The following RALGAPA1 variants were observed in gnomAD, a reference collection of about 807,000 sequenced individuals.
RALGAPA1 encodes ral GTPase-activating protein subunit alpha-1.
Under a neutral mutation model 269.6 loss-of-function variants are expected in RALGAPA1, and 52 were observed. The ratio of observed to expected loss-of-function variants is 0.19; its 90% CI spans 0.15 to 0.24. The LOEUF is 0.24. RALGAPA1 is among the 10% of genes least tolerant of loss of function. The pLI is 1.00. For synonymous variants in RALGAPA1, 817 were observed against 1,008.3 expected, an observed-to-expected ratio of 0.81 and a Z score of 3.60; for missense variants, 1,917 against 3,013.9, an observed-to-expected ratio of 0.64 and a Z score of 8.52.
rs946088802 is a variant in RALGAPA1 at position 35,662,937 on chromosome 14, T to G, written c.5328+1705A>C. 1.9e-3 allele frequency among the ~76,000 whole-genome samples: 142 copies of G among 76,548 alleles called. 1 individual carries two copies. The East Asian group carries it at 0.032, about 17-fold the overall frequency. The allele number at this position is 76,548 out of a possible 152,430, so 50.2% of individuals were successfully genotyped here. On this transcript the variant is annotated intron_variant, in intron 27 of 41. Transcript: ENST00000680220. ...TTGTTTAACAAATGATTTCCTTTTT[T>G]GGGGGGGGGGTGGGACAAGGTCTTG...
At chr14:35,748,427 T>C in intron 10 of RALGAPA1, 158 bp downstream of exon 10, 1 of 705,022 alleles carries the variant, frequency 1.4e-6, no homozygotes, top group Non-Finnish European at 2.0e-6. Context: ...TTGTCCAAAG[T>C]GGCCTCAAAC....
chr14:35,723,364 C>T, intron 14 of RALGAPA1, 100 bp from the exon 15 acceptor site: 1 of 636,922 alleles, frequency 1.6e-6, no homozygotes, highest in South Asian at 2.6e-5. Flanking sequence ...AAACAAGCAA[C>T]ATTTAAAATC....
chr14:35,804,758 C>T (rs1056564136), intron 1 of RALGAPA1, among the ~76,000 whole-genome samples: 10 of 149,050 alleles, frequency 6.7e-5, no homozygotes, highest in African/African-American at 2.2e-4. Flanking sequence ...ACATGAGACC[C>T]CATCTCTACA....
intron 32 of RALGAPA1, 67 bp from the exon 33 acceptor site, chr14:35,634,824 G>T: frequency 3.6e-6 from 5 of 1,379,568 alleles, no homozygotes; most frequent in African/African-American, 1.5e-5. Flanking sequence ...AGTTAAAGGA[G>T]GATAAAAATC....
chr14:35,660,748 G>A (rs892632730), intron 27 of RALGAPA1, among the ~76,000 whole-genome samples: 2 of 152,002 alleles, frequency 1.3e-5, no homozygotes, highest in Non-Finnish European at 2.9e-5. Flanking sequence ...ACCCACACAC[G>A]TACATGAATA....
rs2070173213 is a variant in RALGAPA1, at chr14:35,728,434, G to A, written c.1664C>T (p.Thr555Ile). The A allele has an allele frequency of 1.2e-6, 2 of 1,608,888 alleles. No individual in the cohort carries two copies. Among genetic ancestry groups the A allele is most frequent in the Middle Eastern group, 1.7e-4 (1 of 5,996 alleles). The change falls in exon 13 of 42, where the codon ACA becomes ATA. Residue 555 changes from threonine to isoleucine, a missense_variant. This residue lies in a region of RALGAPA1 where 462 missense variants were observed against 725.6 expected (regional missense o/e 0.64). Coordinates refer to ENST00000680220, the MANE Select transcript of RALGAPA1 (RefSeq NM_001346249.2). ...NEIKNLLDEH[T>I]DMCKRILNIY... ...GTTAAGAATGCGTTTACACATATCT[G>A]TGTGTTCATCCAGAAGATTTTTTAT... is the stretch of plus-strand genomic sequence containing the variant.
At chr14:35,664,519 T>C in intron 27 of RALGAPA1, 123 bp downstream of exon 27, 1 of 766,476 alleles carries the variant, frequency 1.3e-6, no homozygotes, top group Non-Finnish European at 2.0e-6. Flanking sequence ...CTGGAGGATA[T>C]GGCTAATGTT....
At chr14:35,546,435 G>T (rs1461467371) in intron 41 of RALGAPA1, among the ~76,000 whole-genome samples, 1 of 151,294 alleles carries the variant, frequency 6.6e-6, no homozygotes, top group Non-Finnish European at 1.5e-5. Flanking sequence ...TTGTGCACAT[G>T]TACCCTAAAA....
At chr14:35,670,930 A>C (rs2064361398) in intron 26 of RALGAPA1, among the ~76,000 whole-genome samples, 1 of 149,872 alleles carries the variant, frequency 6.7e-6, no homozygotes, top group African/African-American at 2.4e-5. Context: ...TCTCAAAAAA[A>C]AAAAAAGAGA....
At chr14:35,777,132 G>C (rs1461046639) in intron 1 of RALGAPA1, among the ~76,000 whole-genome samples, 1 of 151,870 alleles carries the variant, frequency 6.6e-6, no homozygotes, top group Non-Finnish European at 1.5e-5. Flanking sequence ...AAATGACACG[G>C]GGAAATTAAT....
intron 4 of RALGAPA1, among the ~76,000 whole-genome samples, chr14:35,762,992 G>A (rs113357699): frequency 6.6e-6 from 1 of 151,944 alleles, no homozygotes; most frequent in African/African-American, 2.4e-5. Context: ...ACCTAGGCCC[G>A]AAATTGCATT....
chr14:35,703,001 G>A (rs1379245923), intron 16 of RALGAPA1, among the ~76,000 whole-genome samples: 1 of 152,118 alleles, frequency 6.6e-6, no homozygotes, highest in Non-Finnish European at 1.5e-5. Flanking sequence ...TGATTCCACA[G>A]ATAAATTATA....
At chr14:35,736,138 G>A (rs1190034552) in intron 12 of RALGAPA1, among the ~76,000 whole-genome samples, 1 of 152,178 alleles carries the variant, frequency 6.6e-6, no homozygotes, top group Non-Finnish European at 1.5e-5. Context: ...GACACAAGAG[G>A]TAGTGTGTGT....
At chr14:35,572,494 A>C in intron 38 of RALGAPA1, 66 bp downstream of exon 38, 2 of 1,268,576 alleles carry the variant, frequency 1.6e-6, no homozygotes, top group Non-Finnish European at 2.2e-6. Context: ...TGTAACATGG[A>C]AAGAAACCCA....
chr14:35,621,644 A>G (rs2060636793), intron 35 of RALGAPA1, among the ~76,000 whole-genome samples: 1 of 152,070 alleles, frequency 6.6e-6, no homozygotes, highest in South Asian at 2.1e-4. Context: ...CAGAATCTAC[A>G]ATGAACTCAA....
intron 39 of RALGAPA1, among the ~76,000 whole-genome samples, chr14:35,551,586 C>T (rs955692128): frequency 1.3e-5 from 2 of 151,954 alleles, no homozygotes; most frequent in East Asian, 3.9e-4. Context: ...AAATATTTTA[C>T]ATTATATTTA....
intron 4 of RALGAPA1, among the ~76,000 whole-genome samples, chr14:35,767,516 T>C (rs1307480150): frequency 2.6e-5 from 4 of 151,992 alleles, no homozygotes; most frequent in African/African-American, 9.7e-5. Flanking sequence ...TGAAACCCTG[T>C]CTCTACTAAA....
In RALGAPA1 at chr14:35,592,659, G is replaced by A. The variant is rs144100400; in HGVS notation, c.7209+2975C>T. On this transcript the variant is annotated intron_variant, in intron 37 of 41. Transcript: ENST00000680220. ...TATCAAAAAGATTATACACCCAGAC[G>A]AAGTGGGACTTATCCCTGGCATGCG... Among the ~76,000 whole-genome samples the A allele has an allele frequency of 3.8e-3, 586 of 152,256 alleles. 1 individual carries two copies. The highest frequency in any genetic ancestry group is 6.4e-3 in the Non-Finnish European group (436 of 68,002).
intron 31 of RALGAPA1, among the ~76,000 whole-genome samples, chr14:35,640,009 G>GA (rs928644840): frequency 2.0e-5 from 3 of 150,554 alleles, no homozygotes; most frequent in Non-Finnish European, 4.4e-5. Flanking sequence ...AAGAGATTAA[G>GA]AAAAAAACTG....
Sources: gnomAD v4.1 joint callset for allele counts (sites outside exome capture counted in the v4.1 genomes callset) on GRCh38, gnomAD v4.1.1 for gene constraint, gnomAD v4.1.1 regional missense constraint, MANE v1.5 for transcripts, NCBI Gene and HGNC (gene_info 2026-07-23, HGNC 2026-07-21) for gene names.